The following PRKN variants were observed in gnomAD, a reference collection of about 807,000 sequenced individuals.
The protein encoded by PRKN is E3 ubiquitin-protein ligase parkin.
In PRKN, 56 loss-of-function variants were observed where a neutral mutation model predicts 59.5. The ratio of observed to expected loss-of-function variants is 0.94; its 90% CI spans 0.76 to 1.18. The LOEUF is 1.18. PRKN is among the 50% of genes most tolerant of loss of function. The pLI is 0.00. For missense variants in PRKN, 657 were observed against 596.4 expected (o/e 1.10, Z -1.06); for synonymous variants, 250 against 222.1 (o/e 1.13, Z -1.12).
chr6:162,238,910 C>T (rs1434914462), intron 3 of PRKN, among the ~76,000 whole-genome samples: 1 of 152,170 alleles, frequency 6.6e-6, no homozygotes, highest in Non-Finnish European at 1.5e-5. Context: ...GGGGTCTCCT[C>T]TGGTCGTGGC....
chr6:162,171,538 A>T (rs1353769358), intron 4 of PRKN, among the ~76,000 whole-genome samples: 1 of 152,162 alleles, frequency 6.6e-6, no homozygotes, highest in Non-Finnish European at 1.5e-5. Context: ...GGATTCAATG[A>T]AGGATTTAAT....
At chr6:161,933,382 T>C (rs1319369574) in intron 6 of PRKN, among the ~76,000 whole-genome samples, 1 of 152,210 alleles carries the variant, frequency 6.6e-6, no homozygotes, top group Non-Finnish European at 1.5e-5. Context: ...AATAACATTT[T>C]CTTAAAGAAA....
chr6:162,274,027 A>C (rs1043862149), intron 2 of PRKN, among the ~76,000 whole-genome samples: 1 of 152,116 alleles, frequency 6.6e-6, no homozygotes, highest in Non-Finnish European at 1.5e-5. Flanking sequence ...AATTACAAAT[A>C]AGCATTTAAT....
rs574892261 is a variant in PRKN at position 161,991,029 on chromosome 6, C to G, written c.619-17612G>C. 3.9e-5 allele frequency among the ~76,000 whole-genome samples: 6 copies of G among 152,216 alleles called. No individual in the cohort carries two copies. In the East Asian group the frequency reaches 1.2e-3, roughly 29 times the overall value. On this transcript the variant is annotated intron_variant, in intron 5 of 11. Transcript: ENST00000366898. ...GAAAAGTGTCATGTCATATATAAAG[C>G]TATCCCCATCAGACAAACAGCAGAT...
At chr6:162,227,882 G>A (rs2358) in intron 3 of PRKN, among the ~76,000 whole-genome samples, 63,307 of 151,170 alleles carry the variant, frequency 0.42, 15,107 homozygotes, top group East Asian at 0.79. Context: ...TTTGGGGGAA[G>A]TCCAAAAAGA....
chr6:162,436,176 CAAAAAAAA>C (rs35792526), intron 2 of PRKN, among the ~76,000 whole-genome samples: 10 of 54,688 alleles, frequency 1.8e-4, no homozygotes, highest in Admixed American at 3.1e-4. Flanking sequence ...ACTCCATCTC[CAAAAAAAA>C]AAAAAAAAAA....
chr6:161,945,781 A>T (rs561786601), intron 6 of PRKN, among the ~76,000 whole-genome samples: 1 of 152,204 alleles, frequency 6.6e-6, no homozygotes, highest in Admixed American at 6.5e-5. Context: ...TTGAAGCTAG[A>T]CATGACAGTT....
intron 3 of PRKN, 138 bp downstream of exon 3, chr6:162,262,387 G>A (rs1042087922): frequency 2.1e-6 from 2 of 964,068 alleles, no homozygotes. Flanking sequence ...CTACAGTGAT[G>A]TCTCCTTGTA....
chr6:162,458,439 A>G (rs2128173309), intron 1 of PRKN, among the ~76,000 whole-genome samples: 1 of 151,632 alleles, frequency 6.6e-6, no homozygotes, highest in South Asian at 2.1e-4. Flanking sequence ...AAAAAAAAAA[A>G]AAAAATTTTT....
chr6:162,286,456 C>G (rs1244644830), intron 2 of PRKN, among the ~76,000 whole-genome samples: 2 of 152,202 alleles, frequency 1.3e-5, no homozygotes, highest in Non-Finnish European at 2.9e-5. Context: ...ACATTTCCAA[C>G]TCATTTTCAT....
intron 1 of PRKN, among the ~76,000 whole-genome samples, chr6:162,685,042 T>C (rs536349992): frequency 1.3e-5 from 2 of 152,332 alleles, no homozygotes; most frequent in South Asian, 4.1e-4. Context: ...GCAGCAGGAC[T>C]GGACATGTTC....
chr6:162,590,800 T>C (rs918937095), intron 1 of PRKN, among the ~76,000 whole-genome samples: 1 of 152,168 alleles, frequency 6.6e-6, no homozygotes, highest in Non-Finnish European at 1.5e-5. Context: ...AACACCGCCA[T>C]GACCCGGCAC....
intron 7 of PRKN, among the ~76,000 whole-genome samples, chr6:161,650,311 G>T (rs1174496132): frequency 6.6e-6 from 1 of 152,130 alleles, no homozygotes; most frequent in Non-Finnish European, 1.5e-5. Flanking sequence ...TAAAGATAAG[G>T]TGCTTTGTTA....
chr6:161,837,801 A>G (rs556884396), intron 6 of PRKN, among the ~76,000 whole-genome samples: 2 of 152,284 alleles, frequency 1.3e-5, no homozygotes, highest in South Asian at 4.1e-4. Context: ...TCCAATTAAC[A>G]TCTGTAATTT....
chr6:161,551,022 C>A lies in PRKN; in HGVS notation c.934-2019G>T, dbSNP rs1220531273. Among the ~76,000 whole-genome samples, 1 of 152,048 alleles carries A rather than the reference C, an allele frequency of 6.6e-6. No homozygotes were observed. Among genetic ancestry groups the A allele is most frequent in the Admixed American group, 6.6e-5 (1 of 15,266 alleles). ...GTGTGAATGGCATACACATACAGCA[C>A]CTTTACCAGAAAAGAGGTCTAAGAG... On this transcript the variant is annotated intron_variant, in intron 8 of 11. Transcript: ENST00000366898. This position sits in a 1 kb window ranked among gnomAD's most constrained non-coding sequence, Gnocchi z 5.2.
intron 1 of PRKN, among the ~76,000 whole-genome samples, chr6:162,584,221 A>AG (rs1459518537): frequency 3.8e-5 from 3 of 78,018 alleles, no homozygotes; most frequent in East Asian, 1.3e-3. Flanking sequence ...TCAAAAAAAA[A>AG]AAACAAAAAA....
chr6:161,445,618 G>C lies in PRKN; in HGVS notation c.1084-58741C>G, dbSNP rs1789447327. 1.3e-5 allele frequency among the ~76,000 whole-genome samples: 2 copies of C among 152,196 alleles called. No individual in the cohort carries two copies. ...AAGAGGCCACCTGTATCATCCACCC[G>C]TGCTGCAGCTGAATGGGATCGGTGC... On this transcript the variant is annotated intron_variant, in intron 9 of 11. Coordinates refer to ENST00000366898, the MANE Select transcript of PRKN (RefSeq NM_004562.3). The surrounding 1 kb of genome is among the most constrained non-coding windows in gnomAD (Gnocchi z 7.7).
chr6:162,666,875 G>A (rs1198369266), intron 1 of PRKN, among the ~76,000 whole-genome samples: 1 of 152,010 alleles, frequency 6.6e-6, no homozygotes, highest in South Asian at 2.1e-4. Flanking sequence ...CAAGCAAATT[G>A]ACTAATTCTT....
chr6:162,040,940 G>A (rs543729557), intron 5 of PRKN, among the ~76,000 whole-genome samples: 25 of 150,922 alleles, frequency 1.7e-4, no homozygotes, highest in Admixed American at 8.6e-4. Flanking sequence ...ACCATGGAAC[G>A]TTGGGAAGCC....
Sources: gnomAD v4.1 joint callset for allele counts (sites outside exome capture counted in the v4.1 genomes callset) on GRCh38, gnomAD v4.1.1 for gene constraint, Gnocchi (gnomAD v3.1) non-coding constraint, MANE v1.5 for transcripts, NCBI Gene and HGNC (gene_info 2026-07-23, HGNC 2026-07-21) for gene names.